The following EEF1AKMT2 variants were observed in gnomAD, a reference collection of about 807,000 sequenced individuals.
EEF1AKMT2 encodes EEF1A lysine methyltransferase 2, also known as eukaryotic translation elongation factor 1 alpha lysine methyltransferase 2.
A neutral mutation model predicts 35.8 loss-of-function variants in EEF1AKMT2; 32 were observed. That is an observed-to-expected ratio of 0.89 (90% confidence interval 0.67 to 1.20). The LOEUF is 1.20. Ranked by LOEUF, EEF1AKMT2 falls within the 50% of genes most tolerant of loss-of-function variation. The pLI, the probability that EEF1AKMT2 is intolerant of heterozygous loss-of-function variation, is 0.00. For synonymous variants in EEF1AKMT2, 121 were observed against 133.7 expected, an observed-to-expected ratio of 0.91 and a Z score of 0.65; for missense variants, 330 against 347.5, an observed-to-expected ratio of 0.95 and a Z score of 0.40.
chr10:124,777,769 G>A (rs1247348860), intron 3 of EEF1AKMT2, among the ~76,000 whole-genome samples: 2 of 152,030 alleles, frequency 1.3e-5, no homozygotes, highest in African/African-American at 4.8e-5. Flanking sequence ...CTGAGCTCAA[G>A]TTATCCACCT....
chr10:124,784,733 C>T (rs1371602765), intron 3 of EEF1AKMT2, among the ~76,000 whole-genome samples: 2 of 151,996 alleles, frequency 1.3e-5, no homozygotes, highest in Admixed American at 6.6e-5. Context: ...GAGTTTAAGA[C>T]CAGCCTGGAC....
rs1357817604 is a variant in EEF1AKMT2 at position 124,767,327 on chromosome 10, C to T, written c.400-1719G>A. 2.0e-5 allele frequency among the ~76,000 whole-genome samples: 3 copies of T among 151,232 alleles called. No individual in the cohort carries two copies. The East Asian group carries it at 5.9e-4, about 30-fold the overall frequency. On this transcript the variant is annotated intron_variant, in intron 4 of 6. Coordinates refer to ENST00000368836, the MANE Select transcript of EEF1AKMT2 (RefSeq NM_212554.4). Reference sequence around the variant, plus strand: ...AGGAGATCAAGACCATCCTGGCTAACACGGTGAAACCCTGTCTCTACTAAA... The same window carrying T: ...AGGAGATCAAGACCATCCTGGCTAATACGGTGAAACCCTGTCTCTACTAAA...
chr10:124,778,197 T>TAC (rs34968256), intron 3 of EEF1AKMT2, among the ~76,000 whole-genome samples: 23,648 of 150,260 alleles, frequency 0.16, 2,018 homozygotes, highest in African/African-American at 0.21. Context: ...AGTCTATACA[T>TAC]ACACACACAC....
At chr10:124,783,199 GGGGC>G (rs1950558157) in intron 3 of EEF1AKMT2, among the ~76,000 whole-genome samples, 1 of 145,506 alleles carries the variant, frequency 6.9e-6, no homozygotes, top group Non-Finnish European at 1.5e-5. Context: ...GGAGTGCAGT[GGGGC>G]CATCTCGGCT....
chr10:124,765,608 C>T lies in EEF1AKMT2; in HGVS notation c.400G>A (p.Val134Ile). ...GTGGAGAGATTCAAAAAGTCTTCTA[C>T]CTATATTAAAAGTCAATGTCTATGT... ...KEGLSNIKLK[V>I]EDFLNLSTQL... Residue 134 changes from valine to isoleucine, a missense_variant and splice_region_variant, in exon 5 of 7, where the codon GTA (valine) becomes ATA (isoleucine). Physicochemically the swap from Val to Ile is conservative, Grantham distance 29. Coordinates refer to ENST00000368836, the MANE Select transcript of EEF1AKMT2 (RefSeq NM_212554.4). 2 of 1,611,300 alleles carry T rather than the reference C, an allele frequency of 1.2e-6. No homozygotes were observed. Among genetic ancestry groups the T allele is most frequent in the Non-Finnish European group, 1.7e-6 (2 of 1,178,454 alleles).
At chr10:124,777,932 T>C (rs928960032) in intron 3 of EEF1AKMT2, among the ~76,000 whole-genome samples, 2 of 152,170 alleles carry the variant, frequency 1.3e-5, no homozygotes, top group Non-Finnish European at 2.9e-5. Flanking sequence ...CATTGTTATG[T>C]AGTGTATGAC....
chr10:124,774,063 T>C (rs12244494), intron 4 of EEF1AKMT2, among the ~76,000 whole-genome samples: 3 of 152,074 alleles, frequency 2.0e-5, no homozygotes, highest in Admixed American at 6.6e-5. Context: ...TACCACTTGA[T>C]GCATTTAAAA....
At chr10:124,772,339 G>T (rs945997333) in intron 4 of EEF1AKMT2, among the ~76,000 whole-genome samples, 5 of 150,870 alleles carry the variant, frequency 3.3e-5, no homozygotes, top group Non-Finnish European at 2.9e-5. Context: ...TAGCTAACTT[G>T]CTACACCTTC....
chr10:124,760,585 C>T, intron 6 of EEF1AKMT2, 82 bp from the exon 7 acceptor site: 1 of 989,284 alleles, frequency 1.0e-6, no homozygotes, highest in East Asian at 2.4e-5. Flanking sequence ...TAACACTGTA[C>T]CATTGAACCC....
chr10:124,791,573 C>T (rs1443394185), intron 1 of EEF1AKMT2, 151 bp downstream of exon 1: 1 of 1,165,492 alleles, frequency 8.6e-7, no homozygotes, highest in Admixed American at 2.5e-5. Flanking sequence ...TCTTTGAAAT[C>T]CCCGTAAGCC....
At chr10:124,786,589 G>A (rs1016249081) in intron 3 of EEF1AKMT2, among the ~76,000 whole-genome samples, 1 of 151,578 alleles carries the variant, frequency 6.6e-6, no homozygotes, top group African/African-American at 2.4e-5. Context: ...GCAGGCAGAT[G>A]GATTACCTGA....
intron 3 of EEF1AKMT2, among the ~76,000 whole-genome samples, chr10:124,784,839 G>A (rs1397466068): frequency 4.0e-5 from 6 of 151,092 alleles, no homozygotes; most frequent in African/African-American, 1.5e-4. Context: ...GCTGAGGCAG[G>A]AGAATTCTTT....
intron 3 of EEF1AKMT2, among the ~76,000 whole-genome samples, chr10:124,784,721 A>T (rs1250087542): frequency 6.6e-6 from 1 of 152,112 alleles, no homozygotes; most frequent in Non-Finnish European, 1.5e-5. Flanking sequence ...ACCTGAGGTC[A>T]GGAGTTTAAG....
rs1950372520 is a variant in EEF1AKMT2 at position 124,765,626 on chromosome 10, G to A, written c.400-18C>T. The stretch of plus-strand genomic sequence containing the variant: ...TCTTCTACCTATATTAAAAGTCAAT[G>A]TCTATGTGAGAACAATTAAAACAAA... On this transcript the variant is annotated intron_variant, in intron 4 of 6. Transcript: ENST00000368836. 6.3e-7 allele frequency: 1 copy of A among 1,580,894 alleles called. No individual in the cohort carries two copies. Among genetic ancestry groups the A allele is most frequent in the East Asian group, 2.2e-5 (1 of 44,584 alleles).
chr10:124,772,420 C>CTTTTTTTT (rs59707540), intron 4 of EEF1AKMT2, among the ~76,000 whole-genome samples: 20 of 75,414 alleles, frequency 2.7e-4, no homozygotes, highest in African/African-American at 7.3e-4. Context: ...TTTTCTTTTT[C>CTTTTTTTT]TTTTTTTTTT....
intron 4 of EEF1AKMT2, among the ~76,000 whole-genome samples, chr10:124,766,486 A>G (rs1326738506): frequency 6.6e-6 from 1 of 152,232 alleles, no homozygotes; most frequent in Non-Finnish European, 1.5e-5. Flanking sequence ...CATCGGAAAT[A>G]GCAATCCGCC....
chr10:124,775,848 C>T (rs1166958244), intron 3 of EEF1AKMT2, among the ~76,000 whole-genome samples: 1 of 152,110 alleles, frequency 6.6e-6, no homozygotes, highest in East Asian at 1.9e-4. Context: ...ATTTTCTCCC[C>T]ATTTCCCTTA....
chr10:124,765,277 AG>A, intron 5 of EEF1AKMT2, 114 bp downstream of exon 5: 1 of 795,902 alleles, frequency 1.3e-6, no homozygotes, highest in East Asian at 2.5e-5. Flanking sequence ...AGAAAAAAGC[AG>A]GCAATTCCCA....
rs372860651 is a variant in EEF1AKMT2 at position 124,775,777 on chromosome 10, T to A, written c.292-995A>T. 1.1e-4 allele frequency among the ~76,000 whole-genome samples: 16 copies of A among 152,252 alleles called. No homozygotes were observed. In the East Asian group the frequency reaches 2.5e-3, roughly 24 times the overall value. On this transcript the variant is annotated intron_variant, in intron 3 of 6. Transcript: ENST00000368836. ...TTTTGTTTTTAATCTAAAGGTCTAA[T>A]ATTCTCTTTTTTGATGCCAACCTTC...
Sources: gnomAD v4.1 joint callset for allele counts (sites outside exome capture counted in the v4.1 genomes callset) on GRCh38, gnomAD v4.1.1 for gene constraint, MANE v1.5 for transcripts, NCBI Gene and HGNC (gene_info 2026-07-23, HGNC 2026-07-21) for gene names.